COBL: variants seen among roughly 807,000 people sequenced by gnomAD.
The protein encoded by COBL is cordon-bleu WH2 repeat protein.
In COBL, 51 loss-of-function variants were observed where a neutral mutation model predicts 98.8. The ratio of observed to expected loss-of-function variants is 0.52; its 90% CI spans 0.41 to 0.65. The LOEUF (loss-of-function observed/expected upper bound fraction) is 0.65. Ranked by LOEUF, COBL falls within the 30% of genes least tolerant of loss-of-function variation. The probability of loss-of-function intolerance (pLI) is 0.00; values close to 1 mark genes in which losing one functional copy is unlikely to be tolerated. For synonymous variants in COBL, 634 were observed against 651.7 expected, an observed-to-expected ratio of 0.97 and a Z score of 0.41; for missense variants, 1,617 against 1,617.5, an observed-to-expected ratio of 1.00 and a Z score of 0.01.
At chr7:51,025,017 A>T (rs1787381849) in intron 12 of COBL, 92 bp downstream of exon 12, 1 of 1,562,240 alleles carries the variant, frequency 6.4e-7, no homozygotes, top group African/African-American at 1.4e-5. Context: ...ACCGCCTCGC[A>T]GCTCCTGCCC....
intron 5 of COBL, 114 bp from the exon 6 acceptor site, chr7:51,136,445 T>A (rs1799250560): frequency 3.6e-6 from 4 of 1,120,370 alleles, no homozygotes; most frequent in South Asian, 1.6e-5. Flanking sequence ...GAACGGCAGC[T>A]GTTTCTACAG....
chr7:51,228,914 C>CA lies in COBL; in HGVS notation c.42-8971dup, dbSNP rs1016027920. Among the ~76,000 whole-genome samples the CA allele has an allele frequency of 2.2e-3, 329 of 146,566 alleles. 2 individuals are homozygous for CA. The highest frequency in any genetic ancestry group is 7.6e-3 in the African/African-American group (304 of 40,030). On this transcript the variant is annotated intron_variant, in intron 1 of 12. Coordinates refer to ENST00000265136, the MANE Select transcript of COBL (RefSeq NM_015198.5). ...TATTATAGAAAAAGGATATCTCCTT[C>CA]AAAAAAAAAAGCAGTGCTAGTTTAC...
intron 1 of COBL, among the ~76,000 whole-genome samples, chr7:51,240,552 T>A (rs190145467): frequency 6.6e-6 from 1 of 152,014 alleles, no homozygotes; most frequent in South Asian, 2.1e-4. Context: ...TTTTTTTTTA[T>A]TTTATTTTTT....
chr7:51,098,236 T>TTTTTTTTTTTGG (rs1433351343), intron 6 of COBL, among the ~76,000 whole-genome samples: 1 of 148,490 alleles, frequency 6.7e-6, no homozygotes, highest in Non-Finnish European at 1.5e-5. Context: ...TTTTTTTTTT[T>TTTTTTTTTTTGG]GGAGAAATAG....
intron 6 of COBL, 118 bp downstream of exon 6, chr7:51,136,040 A>T: frequency 7.7e-7 from 1 of 1,292,734 alleles, no homozygotes; most frequent in Non-Finnish European, 1.1e-6. Flanking sequence ...CTTGCCCCCA[A>T]CACTCCAGTC....
chr7:51,083,013 G>T, intron 7 of COBL: 1 of 1,521,050 alleles, frequency 6.6e-7, no homozygotes, highest in Non-Finnish European at 8.8e-7. Context: ...AGTGCTCAGA[G>T]AGATGAACAG....
At chr7:51,293,020 T>A (rs917096795) in intron 1 of COBL, among the ~76,000 whole-genome samples, 7 of 152,328 alleles carry the variant, frequency 4.6e-5, no homozygotes, top group African/African-American at 1.7e-4. Flanking sequence ...TAAAATTCAA[T>A]AAACTTCACA....
chr7:51,228,519 C>A (rs1041378287), intron 1 of COBL, among the ~76,000 whole-genome samples: 5 of 152,010 alleles, frequency 3.3e-5, no homozygotes, highest in African/African-American at 1.2e-4. Flanking sequence ...CCTAAGAAAT[C>A]CTACACAATA....
intron 1 of COBL, among the ~76,000 whole-genome samples, chr7:51,259,075 G>A (rs1233926247): frequency 6.6e-6 from 1 of 152,022 alleles, no homozygotes; most frequent in Non-Finnish European, 1.5e-5. Flanking sequence ...ATCACCTGAG[G>A]TCAGGAGTTC....
intron 1 of COBL, among the ~76,000 whole-genome samples, chr7:51,263,151 G>A (rs541128265): frequency 4.6e-5 from 7 of 152,288 alleles, no homozygotes; most frequent in East Asian, 3.9e-4. Flanking sequence ...GAAGCCACCC[G>A]CAAGCCGAGG....
chr7:51,216,306 G>A (rs1332906237), intron 2 of COBL, among the ~76,000 whole-genome samples: 3 of 152,084 alleles, frequency 2.0e-5, no homozygotes, highest in African/African-American at 4.8e-5. Flanking sequence ...TCAACTTTCC[G>A]AGTAGCTGGG....
chr7:51,297,617 T>TGCCCG (rs1801539281), intron 1 of COBL, among the ~76,000 whole-genome samples: 1 of 152,132 alleles, frequency 6.6e-6, no homozygotes, highest in Non-Finnish European at 1.5e-5. Flanking sequence ...GGTCTCGAAC[T>TGCCCG]CCTGACCTCA....
chr7:51,216,344 C>G (rs1264946603), intron 2 of COBL, among the ~76,000 whole-genome samples: 1 of 152,162 alleles, frequency 6.6e-6, no homozygotes, highest in Non-Finnish European at 1.5e-5. Context: ...CCACACCCAG[C>G]TAATTTTCTT....
chr7:51,254,255 C>T (rs1797003528), intron 1 of COBL, among the ~76,000 whole-genome samples: 1 of 152,034 alleles, frequency 6.6e-6, no homozygotes, highest in Non-Finnish European at 1.5e-5. Flanking sequence ...GTAAAGTGAC[C>T]TTCATAGATG....
rs189592389 is a variant in COBL at position 51,165,796 on chromosome 7, T to C, written c.783+18306A>G. On this transcript the variant is annotated intron_variant, in intron 5 of 12. Coordinates refer to ENST00000265136, the MANE Select transcript of COBL (RefSeq NM_015198.5). ...CTGACCACAATGGAATAAAACTACA[T>C]ATCAGTAATAAGAGGAATTTTGGAA... Among the ~76,000 whole-genome samples, 667 of 151,936 alleles carry C rather than the reference T, an allele frequency of 4.4e-3. 2 individuals carry two copies. Among genetic ancestry groups the C allele is most frequent in the Non-Finnish European group, 6.9e-3 (468 of 67,766 alleles).
At chr7:51,174,546 T>C (rs1286300759) in intron 5 of COBL, among the ~76,000 whole-genome samples, 2 of 152,176 alleles carry the variant, frequency 1.3e-5, no homozygotes, top group African/African-American at 2.4e-5. Flanking sequence ...CATGTCTCAC[T>C]CTACCCTTGA....
chr7:51,048,902 C>T (rs938435098), intron 7 of COBL, among the ~76,000 whole-genome samples: 5 of 152,112 alleles, frequency 3.3e-5, no homozygotes, highest in African/African-American at 9.7e-5. Flanking sequence ...GACTGGATTA[C>T]TTATTGCTAG....
rs1438060746 is a variant in COBL, at chr7:51,154,410, G to A, written c.784-18079C>T. 3.3e-5 allele frequency among the ~76,000 whole-genome samples: 5 copies of A among 152,250 alleles called. No homozygotes were observed. In the South Asian group the frequency reaches 1.0e-3, roughly 32 times the overall value. ...AGAGGCTTAGAGCAAGGGTGCCACA[G>A]AGCTGACATCACTCACAGTTCCATG... On this transcript the variant is annotated intron_variant, in intron 5 of 12. Coordinates refer to ENST00000265136, the MANE Select transcript of COBL (RefSeq NM_015198.5).
chr7:51,025,425 C>A (rs998086213), intron 11 of COBL, 53 bp from the exon 12 acceptor site: 1 of 1,593,644 alleles, frequency 6.3e-7, no homozygotes, highest in South Asian at 1.1e-5. Flanking sequence ...TCCCAAAATT[C>A]AGCTGTGAAA....
Sources: gnomAD v4.1 joint callset for allele counts (sites outside exome capture counted in the v4.1 genomes callset) on GRCh38, gnomAD v4.1.1 for gene constraint, MANE v1.5 for transcripts, NCBI Gene and HGNC (gene_info 2026-07-23, HGNC 2026-07-21) for gene names.